MAPKBP1: variants seen among roughly 807,000 people sequenced by gnomAD.
The protein encoded by MAPKBP1 is mitogen-activated protein kinase-binding protein 1.
In MAPKBP1, 71 loss-of-function variants were observed where a neutral mutation model predicts 170.5. The ratio of observed to expected loss-of-function variants is 0.42; its 90% confidence interval spans 0.34 to 0.51. MAPKBP1 has a LOEUF of 0.51. Ranked by LOEUF, MAPKBP1 falls within the 20% of genes least tolerant of loss-of-function variation. The pLI is 0.06. For synonymous variants in MAPKBP1, 719 were observed against 757.9 expected (o/e 0.95, Z 0.84); for missense variants, 1,598 against 1,933.0 (o/e 0.83, Z 3.25).
intron 2 of MAPKBP1, among the ~76,000 whole-genome samples, chr15:41,781,418 T>A (rs1057411341): frequency 2.0e-5 from 3 of 150,122 alleles, no homozygotes; most frequent in African/African-American, 4.9e-5. Flanking sequence ...TTTTTCTTGC[T>A]GGGATTTTAA....
chr15:41,800,135 C>T (rs1221373421), intron 3 of MAPKBP1, among the ~76,000 whole-genome samples: 1 of 152,138 alleles, frequency 6.6e-6, no homozygotes, highest in Admixed American at 6.5e-5. Context: ...ACCCCACCTC[C>T]CACACACAGA....
At chr15:41,775,525 G>T in intron 2 of MAPKBP1, 136 bp downstream of exon 2, 1 of 675,202 alleles carries the variant, frequency 1.5e-6, no homozygotes. Flanking sequence ...ATCTCTGCAG[G>T]CAATGATTTG....
intron 22 of MAPKBP1, among the ~76,000 whole-genome samples, chr15:41,820,155 G>A (rs1264207770): frequency 4.6e-5 from 7 of 152,204 alleles, no homozygotes; most frequent in African/African-American, 1.7e-4. Flanking sequence ...ACTGCCCTGG[G>A]GTGGCCAAAG....
chr15:41,822,873 T>A, intron 27 of MAPKBP1, 66 bp from the exon 28 acceptor site: 1 of 1,542,996 alleles, frequency 6.5e-7, no homozygotes, highest in Non-Finnish European at 8.8e-7. Context: ...TATGAGTTTC[T>A]CGCCATTTTG....
In MAPKBP1 at chr15:41,819,548, G is replaced by GGC. The variant is rs1555454027; in HGVS notation, c.2426-46_2426-45insCG. 4 of 993,366 alleles carry GGC rather than the reference G, an allele frequency of 4.0e-6. No individual in the cohort carries two copies. The African/African-American group carries it at 2.1e-4, about 53-fold the overall frequency. 61.5% of individuals were successfully genotyped at this position (993,366 alleles called of 1,614,324 possible). A position where few individuals can be genotyped will look rare whatever the true frequency, so the allele number is the denominator to read the frequency against. On this transcript the variant is annotated intron_variant, in intron 21 of 30. Coordinates refer to ENST00000457542, the MANE Select transcript of MAPKBP1 (RefSeq NM_014994.3). ...GGCCAGGGCTCCAGGGTTGGGTGGC[G>GGC]GGGGGGGGGCAGGAGACACTTCCTC...
chr15:41,807,965 G>A (rs1188866973), intron 3 of MAPKBP1, among the ~76,000 whole-genome samples: 2 of 151,520 alleles, frequency 1.3e-5, no homozygotes, highest in African/African-American at 4.8e-5. Flanking sequence ...CTTGAACGCG[G>A]GAGGTGGAGG....
rs547913783 is a variant in MAPKBP1, at chr15:41,814,885, G to A, written c.1170+146G>A. The A allele has an allele frequency of 2.0e-4, 208 of 1,065,638 alleles. 2 individuals carry two copies. The South Asian group carries it at 3.0e-3, about 15-fold the overall frequency. 66.0% of individuals were successfully genotyped at this position (1,065,638 alleles called of 1,614,324 possible). ...TGACTTCCCTGGGATAGATCCTGGG[G>A]ACTGAGTTTGAATGTTACAGGCTTC... On this transcript the variant is annotated intron_variant, in intron 10 of 30. Coordinates refer to ENST00000457542, the MANE Select transcript of MAPKBP1 (RefSeq NM_014994.3).
intron 8 of MAPKBP1, chr15:41,813,337 A>G: frequency 1.3e-6 from 2 of 1,527,850 alleles, no homozygotes; most frequent in Non-Finnish European, 1.8e-6. Flanking sequence ...CAGAACATAG[A>G]CAGCTTCACA....
At chr15:41,805,918 A>G (rs2064682250) in intron 3 of MAPKBP1, among the ~76,000 whole-genome samples, 1 of 152,096 alleles carries the variant, frequency 6.6e-6, no homozygotes, top group Admixed American at 6.5e-5. Flanking sequence ...ACTGCCCTTG[A>G]GCATCAAGGA....
rs1488813645 is a variant in MAPKBP1, at chr15:41,827,428, T to A, written c.*1992T>A. ...ATCGCCACCCGCATGGCCCTGGAAC[T>A]CCCGCGGCGGCGGGGGCGGGCCCGT... On this transcript the variant is annotated 3_prime_UTR_variant, in exon 31 of 31. Coordinates refer to ENST00000457542, the MANE Select transcript of MAPKBP1 (RefSeq NM_014994.3). 1 of 152,382 alleles carries A rather than the reference T, an allele frequency of 6.6e-6. No individual in the cohort carries two copies. The highest frequency in any genetic ancestry group is 1.5e-5 in the Non-Finnish European group (1 of 68,208). 9.4% of individuals were successfully genotyped at this position (152,382 alleles called of 1,614,324 possible).
At chr15:41,819,706 T>C (rs1392007989) in intron 22 of MAPKBP1, 56 bp downstream of exon 22, 1 of 1,546,876 alleles carries the variant, frequency 6.5e-7, no homozygotes, top group Non-Finnish European at 8.8e-7. Context: ...AAGGGAGCTG[T>C]GAGAACAGGG....
chr15:41,815,589 C>G, intron 11 of MAPKBP1, 35 bp from the exon 12 acceptor site: 1 of 1,600,130 alleles, frequency 6.2e-7, no homozygotes, highest in African/African-American at 1.3e-5. Flanking sequence ...CTGGTCAGGC[C>G]TGCCTCATCC....
At chr15:41,824,110 C>G in intron 29 of MAPKBP1, 49 bp downstream of exon 29, 1 of 1,543,202 alleles carries the variant, frequency 6.5e-7, no homozygotes, top group Non-Finnish European at 8.7e-7. Context: ...CTTACTCTCC[C>G]CTCTCTGTTG....
intron 2 of MAPKBP1, among the ~76,000 whole-genome samples, chr15:41,786,665 T>A (rs1436878054): frequency 1.4e-5 from 2 of 147,640 alleles, no homozygotes; most frequent in South Asian, 2.2e-4. Flanking sequence ...CTCAGGAGGC[T>A]GAGGCAAGAG....
chr15:41,775,119 G>A (rs1596055687), intron 1 of MAPKBP1, 48 bp from the exon 2 acceptor site: 2 of 620,172 alleles, frequency 3.2e-6, no homozygotes, highest in South Asian at 3.8e-5. Context: ...GACTTCGCTA[G>A]GCAGAAGGTA....
rs1489575531 is a variant in MAPKBP1, at chr15:41,821,665, G to T, written c.2800G>T (p.Val934Phe). 6.2e-7 allele frequency: 1 copy of T among 1,614,124 alleles called. No homozygotes were observed. The highest frequency in any genetic ancestry group is 8.5e-7 in the Non-Finnish European group (1 of 1,180,016). The stretch of plus-strand genomic sequence containing the variant: ...CCGATTATTGTCACAAGAGGAAGGG[G>T]TCTTTGCCCAAGATCTGGAACCTGC... ...IIRLLSQEEGVFAQDLEPAPI... is the reference protein window; with the variant it reads ...IIRLLSQEEGFFAQDLEPAPI... Residue 934 changes from valine to phenylalanine, a missense_variant, in exon 24 of 31, where the codon GTC (valine) becomes TTC (phenylalanine). Physicochemically the swap from Val to Phe is conservative, Grantham distance 50. Around this residue, in one of 6 missense-constraint regions of MAPKBP1, gnomAD observed 942 missense variants for 953.2 expected, o/e 0.99. Transcript: ENST00000457542.
Position 41,823,981 on chromosome 15 carries a change from A to T in MAPKBP1, c.4133A>T (p.Asn1378Ile), listed in dbSNP as rs746539981. 1.9e-6 allele frequency: 3 copies of T among 1,613,608 alleles called. No homozygotes were observed. In the South Asian group the frequency reaches 3.3e-5, roughly 18 times the overall value. Reference sequence around the variant, plus strand: ...AGCAGCCTCTTCCAAGGCCCTGAAAACTTGCAGCCCCCACCCCCTGAGAAG... The same window carrying T: ...AGCAGCCTCTTCCAAGGCCCTGAAATCTTGCAGCCCCCACCCCCTGAGAAG... ...PVSSLFQGPE[N>I]LQPPPPEKTP... The change falls in exon 29 of 31, where the codon AAC becomes ATC. Residue 1378 changes from asparagine to isoleucine, a missense_variant. Physicochemically the swap from Asn to Ile is moderately radical, Grantham distance 149 (BLOSUM62 -3). Coordinates refer to ENST00000457542, the MANE Select transcript of MAPKBP1 (RefSeq NM_014994.3).
intron 2 of MAPKBP1, among the ~76,000 whole-genome samples, chr15:41,781,767 C>G (rs1006188954): frequency 2.0e-5 from 3 of 151,428 alleles, no homozygotes; most frequent in Non-Finnish European, 2.9e-5. Flanking sequence ...GTCAAATGTT[C>G]TTTTGGAGAA....
In MAPKBP1 at chr15:41,784,775, C is replaced by T. The variant is rs530567704; in HGVS notation, c.114+9386C>T. On this transcript the variant is annotated intron_variant, in intron 2 of 30. Coordinates refer to ENST00000457542, the MANE Select transcript of MAPKBP1 (RefSeq NM_014994.3). ...CCAGCCTGGCAATAGAGCGAGACTC[C>T]GTCTCAAAAAAAAAAAAAAAAAAAA... Among the ~76,000 whole-genome samples, 515 of 86,140 alleles carry T rather than the reference C, an allele frequency of 6.0e-3. 3 individuals are homozygous for T. Among genetic ancestry groups the T allele is most frequent in the Non-Finnish European group, 9.2e-3 (415 of 44,946 alleles). The allele number at this position is 86,140 out of a possible 152,430, so 56.5% of individuals were successfully genotyped here. A position where few individuals can be genotyped will look rare whatever the true frequency, so the allele number is the denominator to read the frequency against.
Sources: gnomAD v4.1 joint callset for allele counts (sites outside exome capture counted in the v4.1 genomes callset) on GRCh38, gnomAD v4.1.1 for gene constraint, gnomAD v4.1.1 regional missense constraint, MANE v1.5 for transcripts, NCBI Gene and HGNC (gene_info 2026-07-23, HGNC 2026-07-21) for gene names.